The following PPP1R42 variants were observed in gnomAD, a reference collection of about 807,000 sequenced individuals.
The protein encoded by PPP1R42 is protein phosphatase 1 regulatory subunit 42.
A neutral mutation model predicts 31.0 loss-of-function variants in PPP1R42; 34 were observed. The observed-to-expected ratio is 1.10, with a 90% CI of 0.83 to 1.46. PPP1R42 has a LOEUF of 1.46. Ranked by LOEUF, PPP1R42 falls within the 40% of genes most tolerant of loss-of-function variation. PPP1R42 has a pLI of 0.00. For synonymous variants in PPP1R42, 103 were observed against 109.8 expected, an observed-to-expected ratio of 0.94 and a Z score of 0.39; for missense variants, 268 against 303.0, an observed-to-expected ratio of 0.88 and a Z score of 0.86.
At chr8:67,017,554 C>A in intron 2 of PPP1R42, 65 bp downstream of exon 2, 1 of 958,202 alleles carries the variant, frequency 1.0e-6, no homozygotes, top group South Asian at 2.6e-5. Context: ...GGTATGCTCC[C>A]AAACCAATTC....
intron 5 of PPP1R42, among the ~76,000 whole-genome samples, chr8:66,990,587 A>G (rs1815160852): frequency 6.6e-6 from 1 of 152,236 alleles, no homozygotes; most frequent in South Asian, 2.1e-4. Flanking sequence ...GCTGCAAAAT[A>G]CTAAGGAGCA....
At chr8:67,011,491 C>A (rs930389072) in intron 4 of PPP1R42, among the ~76,000 whole-genome samples, 1 of 152,010 alleles carries the variant, frequency 6.6e-6, no homozygotes, top group Non-Finnish European at 1.5e-5. Flanking sequence ...CACGCCTGGG[C>A]GACAGAACAA....
At chr8:66,979,521 A>C (rs773899219) in intron 7 of PPP1R42, among the ~76,000 whole-genome samples, 6 of 152,176 alleles carry the variant, frequency 3.9e-5, no homozygotes, top group Non-Finnish European at 5.9e-5. Flanking sequence ...TTGGTCAAAA[A>C]TCAGTTGGCT....
intron 7 of PPP1R42, among the ~76,000 whole-genome samples, chr8:66,967,326 G>A (rs1424581594): frequency 4.6e-5 from 7 of 152,078 alleles, no homozygotes; most frequent in Admixed American, 3.9e-4. Flanking sequence ...AAAGAGGGGG[G>A]ACTACCATAA....
At chr8:66,984,350 T>G in intron 6 of PPP1R42, 1 of 1,280,122 alleles carries the variant, frequency 7.8e-7, no homozygotes, top group South Asian at 1.2e-5. Context: ...TCATCTCCCT[T>G]TGTGTTAGAT....
intron 7 of PPP1R42, among the ~76,000 whole-genome samples, chr8:66,967,636 C>G (rs1814422709): frequency 6.6e-6 from 1 of 152,118 alleles, no homozygotes. Flanking sequence ...TTCAAAGAAA[C>G]CTAATGCTTC....
Position 67,010,559 on chromosome 8 carries a change from A to G in PPP1R42, c.552+156T>C, listed in dbSNP as rs528021916. 6.7e-4 allele frequency: 409 copies of G among 613,014 alleles called. 1 individual carries two copies. The highest frequency in any genetic ancestry group is 1.8e-3 in the South Asian group (87 of 48,354). 38.0% of individuals were successfully genotyped at this position (613,014 alleles called of 1,614,324 possible). On this transcript the variant is annotated intron_variant, in intron 5 of 7. Coordinates refer to ENST00000685739, the MANE Select transcript of PPP1R42 (RefSeq NM_001364910.1). ...ACTAAATAAGAGGACAGAATTATAC[A>G]CATAAATACATTGAGAAGTAGGGAT... is the stretch of plus-strand genomic sequence containing the variant.
intron 5 of PPP1R42, among the ~76,000 whole-genome samples, chr8:66,999,786 G>A (rs1308977171): frequency 2.0e-5 from 3 of 152,184 alleles, no homozygotes; most frequent in Non-Finnish European, 2.9e-5. Flanking sequence ...GAAATATGAT[G>A]TATTTAATAG....
chr8:66,990,119 C>A (rs1359155197), intron 5 of PPP1R42, among the ~76,000 whole-genome samples: 1 of 152,174 alleles, frequency 6.6e-6, no homozygotes, highest in African/African-American at 2.4e-5. Context: ...CCTTCTCCAA[C>A]AGCATTTGTT....
intron 7 of PPP1R42, among the ~76,000 whole-genome samples, chr8:66,966,735 A>G (rs1247399390): frequency 2.6e-5 from 4 of 152,074 alleles, no homozygotes; most frequent in African/African-American, 9.7e-5. Context: ...CAGTGAGCCA[A>G]GATCACGCCA....
intron 5 of PPP1R42, among the ~76,000 whole-genome samples, chr8:66,989,488 T>C (rs761495976): frequency 6.6e-6 from 1 of 152,228 alleles, no homozygotes; most frequent in Non-Finnish European, 1.5e-5. Flanking sequence ...GTATTTCTTA[T>C]AAGTGGCCAA....
chr8:66,965,938 A>G (rs1814370160), intron 7 of PPP1R42, among the ~76,000 whole-genome samples: 1 of 152,052 alleles, frequency 6.6e-6, no homozygotes, highest in Non-Finnish European at 1.5e-5. Flanking sequence ...AGATAAATAC[A>G]TAATAAAAGA....
At chr8:66,987,140 A>T (rs1815042435) in intron 6 of PPP1R42, among the ~76,000 whole-genome samples, 1 of 152,134 alleles carries the variant, frequency 6.6e-6, no homozygotes, top group African/African-American at 2.4e-5. Flanking sequence ...CATACTTTAA[A>T]AATATACTAT....
At chr8:66,999,735 T>A (rs542262780) in intron 5 of PPP1R42, among the ~76,000 whole-genome samples, 6 of 152,360 alleles carry the variant, frequency 3.9e-5, no homozygotes, top group Admixed American at 1.3e-4. Context: ...AGTGAGGTTA[T>A]CTGGTCTTGG....
intron 7 of PPP1R42, among the ~76,000 whole-genome samples, chr8:66,976,612 T>G (rs965060933): frequency 7.4e-6 from 1 of 134,350 alleles, no homozygotes; most frequent in Non-Finnish European, 1.6e-5. Flanking sequence ...AACTTTTTGG[T>G]TTTTTTTTTT....
At chr8:67,018,573 C>T (rs999848150) in intron 1 of PPP1R42, among the ~76,000 whole-genome samples, 1 of 151,090 alleles carries the variant, frequency 6.6e-6, no homozygotes, top group Admixed American at 6.6e-5. Context: ...AGTGCAGTGG[C>T]ACGGTCTTGG....
chr8:66,968,531 T>C, intron 7 of PPP1R42: 1 of 966,530 alleles, frequency 1.0e-6, no homozygotes. Context: ...CTTAAAGTAA[T>C]TAAGGCAAGG....
At chr8:66,997,790 A>C (rs953789507) in intron 5 of PPP1R42, among the ~76,000 whole-genome samples, 3 of 152,008 alleles carry the variant, frequency 2.0e-5, no homozygotes, top group Non-Finnish European at 4.4e-5. Flanking sequence ...GGGCTCAAGC[A>C]ATCCTCCTGC....
chr8:66,984,911 A>G, intron 6 of PPP1R42: 1 of 1,538,692 alleles, frequency 6.5e-7, no homozygotes, highest in East Asian at 2.3e-5. Flanking sequence ...TTGGTAAGAT[A>G]CACTCCCAAA....
Sources: gnomAD v4.1 joint callset for allele counts (sites outside exome capture counted in the v4.1 genomes callset) on GRCh38, gnomAD v4.1.1 for gene constraint, MANE v1.5 for transcripts, NCBI Gene and HGNC (gene_info 2026-07-23, HGNC 2026-07-21) for gene names.